SGCE: variants seen among roughly 807,000 people sequenced by gnomAD.
SGCE encodes the protein sarcoglycan epsilon, also known as epsilon-sarcoglycan.
In SGCE, 26 loss-of-function variants were observed where a neutral mutation model predicts 57.8. The ratio of observed to expected loss-of-function variants is 0.45; its 90% CI spans 0.33 to 0.62. The LOEUF is 0.62. SGCE is among the 20% of genes least tolerant of loss of function. SGCE has a pLI of 0.02. For missense variants in SGCE, 468 were observed against 548.6 expected (o/e 0.85, Z 1.47); for synonymous variants, 183 against 189.5 (o/e 0.97, Z 0.28).
At chr7:94,614,453 GACA>G (rs1242650438) in intron 5 of SGCE, among the ~76,000 whole-genome samples, 1 of 152,172 alleles carries the variant, frequency 6.6e-6, no homozygotes, top group African/African-American at 2.4e-5. Flanking sequence ...TTTCCCAGAA[GACA>G]ACGTCTTACA....
chr7:94,589,932 T>G (rs1424824115), intron 9 of SGCE: 1 of 152,384 alleles, frequency 6.6e-6, no homozygotes, highest in Non-Finnish European at 1.5e-5. Flanking sequence ...TGGTCTGACA[T>G]GAAACCAGTT....
chr7:94,634,829 T>C (rs2117011385), intron 1 of SGCE, among the ~76,000 whole-genome samples: 1 of 152,316 alleles, frequency 6.6e-6, no homozygotes, highest in East Asian at 1.9e-4. Flanking sequence ...GAAACTCTGT[T>C]ATAAAATACA....
intron 1 of SGCE, 65 bp downstream of exon 1, chr7:94,655,925 G>C (rs563432915): frequency 3.7e-6 from 4 of 1,072,002 alleles, no homozygotes; most frequent in East Asian, 4.9e-5. Context: ...CGGAACCCGA[G>C]CGGGGGAGGG....
rs2116958989 is a variant in SGCE at position 94,628,248 on chromosome 7, T to C, written c.344A>G (p.Tyr115Cys). 6.2e-7 allele frequency: 1 copy of C among 1,612,024 alleles called. No homozygotes were observed. The highest frequency in any genetic ancestry group is 8.5e-7 in the Non-Finnish European group (1 of 1,178,716). ...QRTPYSDGVL[Y>C]GSPTAENVGK... ...CACATTTTCAGCTGTTGGGGACCCA[T>C]ATAGGACTCCATCACTATATGGTGT... Residue 115 changes from tyrosine (Y) to cysteine (C), a missense_variant, in exon 3 of 11, where the codon TAT becomes TGT. Physicochemically the swap from Tyr to Cys is radical, Grantham distance 194. Coordinates refer to ENST00000648936, the MANE Select transcript of SGCE (RefSeq NM_003919.3).
At chr7:94,587,206 T>C (rs1032541170) in intron 10 of SGCE, 1 of 985,516 alleles carries the variant, frequency 1.0e-6, no homozygotes, top group Non-Finnish European at 1.2e-6. Context: ...AAGTGCTCTG[T>C]ATTACTAAAA....
chr7:94,606,526 T>C (rs995086129), intron 5 of SGCE, among the ~76,000 whole-genome samples: 16 of 152,216 alleles, frequency 1.1e-4, no homozygotes, highest in African/African-American at 3.6e-4. Context: ...TCCACTATTA[T>C]AGCTGGACAT....
chr7:94,607,402 T>A (rs1349919264), intron 5 of SGCE, among the ~76,000 whole-genome samples: 1 of 152,022 alleles, frequency 6.6e-6, no homozygotes, highest in Non-Finnish European at 1.5e-5. Flanking sequence ...GCAAAAATCC[T>A]CAACAAAATA....
intron 7 of SGCE, chr7:94,599,974 A>T: frequency 5.4e-6 from 2 of 373,510 alleles, no homozygotes; most frequent in Non-Finnish European, 9.6e-6. Context: ...GATTGAAATA[A>T]ATTCTATGAC....
intron 5 of SGCE, chr7:94,618,398 A>C (rs961925832): frequency 5.5e-6 from 1 of 181,474 alleles, no homozygotes; most frequent in Non-Finnish European, 1.1e-5. Flanking sequence ...TCCTAGAATA[A>C]AGTTACAGCA....
Position 94,650,320 on chromosome 7 carries a change from C to G in SGCE, c.109+5670G>C, listed in dbSNP as rs1237679796. ...TGAGCTCCAGCAGCCAGCCTGCCCCCTCTAGCCCTAGGTACCCTCGGCATC... is the reference window on the plus strand; with the variant it reads ...TGAGCTCCAGCAGCCAGCCTGCCCCGTCTAGCCCTAGGTACCCTCGGCATC... On this transcript the variant is annotated intron_variant, in intron 1 of 10. Transcript: ENST00000648936. Among the ~76,000 whole-genome samples the G allele has an allele frequency of 7.9e-5, 12 of 152,324 alleles. No individual in the cohort carries two copies. In the South Asian group the frequency reaches 1.5e-3, roughly 18 times the overall value.
At chr7:94,623,860 G>T (rs1252058688) in intron 3 of SGCE, 2 of 353,158 alleles carry the variant, frequency 5.7e-6, no homozygotes, top group Non-Finnish European at 1.0e-5. Flanking sequence ...ACCCCAATCA[G>T]TCAAAAAATG....
chr7:94,655,916 G>A (rs1808591187), intron 1 of SGCE, 74 bp downstream of exon 1: 1 of 994,836 alleles, frequency 1.0e-6, no homozygotes, highest in Non-Finnish European at 1.6e-6. Flanking sequence ...TCAGGCGCCC[G>A]GAACCCGAGC....
chr7:94,608,831 CTT>C (rs1030385666), intron 5 of SGCE, among the ~76,000 whole-genome samples: 72 of 152,304 alleles, frequency 4.7e-4, no homozygotes, highest in African/African-American at 1.6e-3. Flanking sequence ...GAAAGACAGT[CTT>C]TTGAACAAAT....
intron 5 of SGCE, among the ~76,000 whole-genome samples, chr7:94,604,883 T>C (rs2116743486): frequency 8.1e-6 from 1 of 122,756 alleles, no homozygotes; most frequent in Non-Finnish European, 1.7e-5. Flanking sequence ...CTAATGGTGC[T>C]GGAAAAACTG....
chr7:94,610,332 T>C (rs1800819505), intron 5 of SGCE, among the ~76,000 whole-genome samples: 1 of 152,070 alleles, frequency 6.6e-6, no homozygotes, highest in South Asian at 2.1e-4. Context: ...CCGCCAAGAG[T>C]AACACCTAAT....
rs1389253737 is a variant in SGCE, at chr7:94,656,066, G to GCAA, written c.32_33insTTG (p.Asp11_Pro12insCys). 1.2e-6 allele frequency: 2 copies of GCAA among 1,612,552 alleles called. No homozygotes were observed. The highest frequency in any genetic ancestry group is 1.7e-6 in the Non-Finnish European group (2 of 1,178,842). ...GACCCTGTCCCGTCCAAGCACAGGG[G>GCAA]TCTCCCAGCTCCCACCACCGGGGCA... On this transcript the variant is annotated inframe_insertion, in exon 1 of 11. Coordinates refer to ENST00000648936, the MANE Select transcript of SGCE (RefSeq NM_003919.3).
intron 5 of SGCE, among the ~76,000 whole-genome samples, chr7:94,605,568 C>T (rs1045076744): frequency 6.6e-6 from 1 of 151,966 alleles, no homozygotes. Context: ...CATAAGATAC[C>T]TGCAATACCT....
Position 94,609,037 on chromosome 7 carries a change from A to G in SGCE, c.663-5585T>C, listed in dbSNP as rs199921316. ...ATTTTTTAGTTACAACACCAAAGGC[A>G]CAATCCATGAAAGAAAGAATTGACA... On this transcript the variant is annotated intron_variant, in intron 5 of 10. Transcript: ENST00000648936. Among the ~76,000 whole-genome samples the G allele has an allele frequency of 5.9e-5, 9 of 152,342 alleles. No homozygotes were observed. In the East Asian group the frequency reaches 1.3e-3, roughly 23 times the overall value.
At position 94,628,150 on chromosome 7, in the gene SGCE, AC is replaced by A. The variant is rs1804042612; in HGVS notation, c.390+51del. 4.3e-6 allele frequency: 6 copies of A among 1,394,768 alleles called. No homozygotes were observed. In the African/African-American group the frequency reaches 8.5e-5, roughly 20 times the overall value. 86.4% of individuals were successfully genotyped at this position (1,394,768 alleles called of 1,614,324 possible). ...CTCAAATTACAATACACACACACAC[AC>A]ACACACACACACATATATGTATAGT... On this transcript the variant is annotated intron_variant, in intron 3 of 10. Coordinates refer to ENST00000648936, the MANE Select transcript of SGCE (RefSeq NM_003919.3).
Sources: allele counts gnomAD v4.1 joint callset (sites outside exome capture counted in the v4.1 genomes callset), GRCh38; gene constraint gnomAD v4.1.1; transcripts MANE v1.5; gene names NCBI Gene and HGNC (gene_info 2026-07-23, HGNC 2026-07-21).